Variants in CALN1 observed in about 807,000 individuals in gnomAD.
CALN1 encodes the protein calcium-binding protein 8.
Under a neutral mutation model 30.6 loss-of-function variants are expected in CALN1, and 17 were observed. The ratio of observed to expected loss-of-function variants is 0.56; its 90% CI spans 0.38 to 0.83. The LOEUF (loss-of-function observed/expected upper bound fraction) is 0.83, where lower values mean the gene tolerates loss of function less well. CALN1 is among the 40% of genes least tolerant of loss of function. The probability of loss-of-function intolerance (pLI) is 0.00; values close to 1 mark genes in which losing one functional copy is unlikely to be tolerated. For synonymous variants in CALN1, 156 were observed against 131.4 expected, an observed-to-expected ratio of 1.19 and a Z score of -1.28; for missense variants, 291 against 354.9, an observed-to-expected ratio of 0.82 and a Z score of 1.45.
chr7:71,843,069 G>T (rs1341086326), intron 5 of CALN1, among the ~76,000 whole-genome samples: 3 of 152,110 alleles, frequency 2.0e-5, no homozygotes, highest in Non-Finnish European at 2.9e-5. Flanking sequence ...TGTGAGGATG[G>T]GTATTGGACG....
chr7:71,975,142 C>A (rs1220494385), intron 5 of CALN1, among the ~76,000 whole-genome samples: 1 of 152,080 alleles, frequency 6.6e-6, no homozygotes, highest in Admixed American at 6.6e-5. Context: ...CTGGGCAAAC[C>A]CATCCCAGCA....
intron 3 of CALN1, among the ~76,000 whole-genome samples, chr7:72,259,621 G>A (rs919645336): frequency 9.2e-5 from 14 of 152,258 alleles, no homozygotes; most frequent in African/African-American, 2.9e-4. Flanking sequence ...TTGGCCAAGT[G>A]ACTTTTAATC....
At chr7:72,319,745 G>A (rs1337895661) in intron 2 of CALN1, among the ~76,000 whole-genome samples, 2 of 152,106 alleles carry the variant, frequency 1.3e-5, no homozygotes, top group South Asian at 2.1e-4. Context: ...CTGTGGTGAG[G>A]CTGGGGTGAG....
intron 5 of CALN1, among the ~76,000 whole-genome samples, chr7:71,824,773 G>C (rs1788814687): frequency 6.6e-6 from 1 of 152,120 alleles, no homozygotes; most frequent in African/African-American, 2.4e-5. Context: ...GCATTTTCCT[G>C]CCGAGAGAGA....
chr7:71,820,032 A>T (rs939906593), intron 5 of CALN1, among the ~76,000 whole-genome samples: 11 of 152,324 alleles, frequency 7.2e-5, no homozygotes, highest in Non-Finnish European at 1.3e-4. Flanking sequence ...CAAATATTAA[A>T]GTTAATTAAT....
At chr7:72,206,441 C>CGGTAA (rs1269345495) in intron 3 of CALN1, among the ~76,000 whole-genome samples, 3 of 152,162 alleles carry the variant, frequency 2.0e-5, no homozygotes, top group Non-Finnish European at 4.4e-5. Flanking sequence ...CTGCCTCTTA[C>CGGTAA]TGCTTCTAAT....
intron 5 of CALN1, among the ~76,000 whole-genome samples, chr7:71,833,921 A>C (rs1390573538): frequency 6.6e-6 from 1 of 152,012 alleles, no homozygotes; most frequent in African/African-American, 2.4e-5. Flanking sequence ...AAAAACAAAA[A>C]AAAATCTTAA....
chr7:72,250,466 T>C lies in CALN1; in HGVS notation c.244+28220A>G, dbSNP rs139064594. Among the ~76,000 whole-genome samples, 1,232 of 152,296 alleles carry C rather than the reference T, an allele frequency of 8.1e-3. 6 individuals carry two copies. Among genetic ancestry groups the C allele is most frequent in the Non-Finnish European group, 0.012 (802 of 68,018 alleles). ...TAGCCTGGCTCCTGCACCCGTACTC[T>C]TAACCATTCACATGTGGTACAGACT... On this transcript the variant is annotated intron_variant, in intron 3 of 6. Transcript: ENST00000395275.
the CALN1 span, among the ~76,000 whole-genome samples, chr7:72,487,667 C>A: frequency 0.012 from 1,498 of 125,558 alleles, 31 homozygotes; most frequent in African/African-American, 0.044. Flanking sequence ...GCCTGGGCAG[C>A]AGAGTGAAAG....
rs531272981 is a variant in CALN1 at position 72,341,108 on chromosome 7, G to T, written c.119+62143C>A. On this transcript the variant is annotated intron_variant, in intron 2 of 6. Transcript: ENST00000395275. Reference sequence around the variant, plus strand: ...GCAGGCAGATGAACAGAGTTGACAGGATCTCCATAAGATCTTTCCCTTTGA... The same window carrying T: ...GCAGGCAGATGAACAGAGTTGACAGTATCTCCATAAGATCTTTCCCTTTGA... Among the ~76,000 whole-genome samples the T allele has an allele frequency of 2.0e-5, 3 of 152,274 alleles. 1 individual carries two copies. The South Asian group carries it at 6.2e-4, about 32-fold the overall frequency.
chr7:72,386,485 C>T (rs1375255087), intron 2 of CALN1, among the ~76,000 whole-genome samples: 4 of 152,162 alleles, frequency 2.6e-5, no homozygotes, highest in Non-Finnish European at 5.9e-5. Flanking sequence ...TATTACTGTA[C>T]ATGTAAACTA....
At chr7:71,859,074 T>C (rs901230014) in intron 5 of CALN1, among the ~76,000 whole-genome samples, 1 of 152,184 alleles carries the variant, frequency 6.6e-6, no homozygotes, top group African/African-American at 2.4e-5. Context: ...TTTGTTTGTT[T>C]GTTTTTGGAG....
chr7:72,297,301 A>T (rs1455851781), intron 2 of CALN1, among the ~76,000 whole-genome samples: 2 of 152,084 alleles, frequency 1.3e-5, no homozygotes, highest in Non-Finnish European at 2.9e-5. Context: ...CAACAAAATA[A>T]ATTAAGAAAA....
At chr7:71,949,925 C>G (rs1050944388) in intron 5 of CALN1, among the ~76,000 whole-genome samples, 9 of 152,006 alleles carry the variant, frequency 5.9e-5, no homozygotes, top group African/African-American at 2.2e-4. Flanking sequence ...CTACGCCTGG[C>G]TAATTTTTTT....
At chr7:72,161,394 A>G (rs1788097245) in intron 3 of CALN1, among the ~76,000 whole-genome samples, 1 of 152,192 alleles carries the variant, frequency 6.6e-6, no homozygotes, top group South Asian at 2.1e-4. Context: ...TAAGGTGGAG[A>G]AGGATGGAAA....
At chr7:72,024,694 C>T (rs925838629) in intron 4 of CALN1, among the ~76,000 whole-genome samples, 4 of 152,084 alleles carry the variant, frequency 2.6e-5, no homozygotes, top group Non-Finnish European at 5.9e-5. Flanking sequence ...CCACCATGCC[C>T]GGCCTGAACA....
At chr7:72,351,937 C>G (rs893526831) in intron 2 of CALN1, among the ~76,000 whole-genome samples, 45 of 152,126 alleles carry the variant, frequency 3.0e-4, no homozygotes, top group African/African-American at 1.1e-3. Flanking sequence ...TTTGAATGTT[C>G]ATAAAAGATA....
chr7:72,168,295 A>G (rs1788673843), intron 3 of CALN1, among the ~76,000 whole-genome samples: 4 of 152,136 alleles, frequency 2.6e-5, no homozygotes, highest in Admixed American at 2.6e-4. Context: ...TCACATAGAC[A>G]GTCCAACGAT....
At chr7:71,985,599 T>G (rs975998644) in intron 5 of CALN1, among the ~76,000 whole-genome samples, 1 of 146,904 alleles carries the variant, frequency 6.8e-6, no homozygotes, top group Non-Finnish European at 1.5e-5. Context: ...TTTTTTTTTT[T>G]TTTTTTTTGA....
Sources: gnomAD v4.1 joint callset for allele counts (sites outside exome capture counted in the v4.1 genomes callset) on GRCh38, gnomAD v4.1.1 for gene constraint, MANE v1.5 for transcripts, NCBI Gene and HGNC (gene_info 2026-07-23, HGNC 2026-07-21) for gene names.